The following NFATC2 variants were observed in gnomAD, a reference collection of about 807,000 sequenced individuals.
NFATC2 encodes the protein nuclear factor of activated T-cells, cytoplasmic 2.
A neutral mutation model predicts 87.3 loss-of-function variants in NFATC2; 22 were observed. The observed-to-expected ratio is 0.25, with a 90% CI of 0.18 to 0.36. The LOEUF (loss-of-function observed/expected upper bound fraction) is 0.36, where lower values mean the gene tolerates loss of function less well. Among genes scored for constraint, NFATC2 ranks in the 10% least tolerant of loss-of-function variants. The pLI is 1.00. For synonymous variants in NFATC2, 565 were observed against 542.2 expected, an observed-to-expected ratio of 1.04 and a Z score of -0.58; for missense variants, 1,149 against 1,259.1, an observed-to-expected ratio of 0.91 and a Z score of 1.32.
intron 9 of NFATC2, among the ~76,000 whole-genome samples, chr20:51,415,487 C>A (rs1490218362): frequency 1.3e-5 from 2 of 152,098 alleles, no homozygotes; most frequent in Non-Finnish European, 2.9e-5. Context: ...TTGGCCACCA[C>A]CTGTCTCTGG....
intron 10 of NFATC2, among the ~76,000 whole-genome samples, chr20:51,397,865 A>AAATAACAGCAACAGCATCT (rs767461394): frequency 6.6e-6 from 1 of 152,216 alleles, no homozygotes; most frequent in Non-Finnish European, 1.5e-5. Flanking sequence ...GGAGAAGATT[A>AAATAACAGCAACAGCATCT]AATAACAGCA....
At chr20:51,413,048 C>T (rs1056910356) in intron 9 of NFATC2, among the ~76,000 whole-genome samples, 4 of 145,718 alleles carry the variant, frequency 2.7e-5, no homozygotes, top group Non-Finnish European at 6.1e-5. Context: ...GTCCTGCTCT[C>T]CAGGCAGCCA....
At chr20:51,560,597 G>C (rs1166741302) in intron 1 of NFATC2, among the ~76,000 whole-genome samples, 1 of 152,204 alleles carries the variant, frequency 6.6e-6, no homozygotes, top group Admixed American at 6.5e-5. Context: ...GGCATAGTGG[G>C]AGCATTTGGA....
chr20:51,472,629 C>CT (rs1223762055), intron 5 of NFATC2, among the ~76,000 whole-genome samples: 2,807 of 92,628 alleles, frequency 0.03, 110 homozygotes, highest in African/African-American at 0.05. Context: ...CTTCTTTCTT[C>CT]TTTTTTTTTT....
At chr20:51,430,307 C>T (rs575872364) in intron 9 of NFATC2, among the ~76,000 whole-genome samples, 1 of 152,194 alleles carries the variant, frequency 6.6e-6, no homozygotes, top group South Asian at 2.1e-4. Context: ...GGAGAGGGAT[C>T]TGGTTACGAC....
chr20:51,544,186 A>T (rs1242805538), upstream of NFATC2, among the ~76,000 whole-genome samples: 1 of 151,368 alleles, frequency 6.6e-6, no homozygotes, highest in Non-Finnish European at 1.5e-5. Context: ...ATGGGGTTTC[A>T]CTGTGTTAGC....
chr20:51,451,373 T>C (rs1373116614), intron 6 of NFATC2, among the ~76,000 whole-genome samples: 1 of 152,240 alleles, frequency 6.6e-6, no homozygotes, highest in African/African-American at 2.4e-5. Context: ...AGTGGCAATA[T>C]TGCCCCCCAG....
At chr20:51,505,394 A>T (rs527451816) in intron 3 of NFATC2, among the ~76,000 whole-genome samples, 4 of 152,142 alleles carry the variant, frequency 2.6e-5, no homozygotes, top group Non-Finnish European at 4.4e-5. Flanking sequence ...ATAAAAATAC[A>T]GGGGCACAGA....
At chr20:51,543,481 C>A (rs749347986), upstream of NFATC2, among the ~76,000 whole-genome samples, 1 of 152,166 alleles carries the variant, frequency 6.6e-6, no homozygotes, top group Non-Finnish European at 1.5e-5. Flanking sequence ...TTTGAAGAAA[C>A]CTGATTGATG....
chr20:51,540,020 T>C (rs1054877854), intron 1 of NFATC2, among the ~76,000 whole-genome samples: 1 of 152,142 alleles, frequency 6.6e-6, no homozygotes, highest in Non-Finnish European at 1.5e-5. Flanking sequence ...ATACTTTTTG[T>C]TGTTGTTTTT....
intron 5 of NFATC2, among the ~76,000 whole-genome samples, chr20:51,458,672 G>C (rs967909015): frequency 2.6e-5 from 4 of 151,716 alleles, no homozygotes; most frequent in African/African-American, 4.8e-5. Context: ...TTATCTGGGC[G>C]TGGTGGTGGC....
intron 1 of NFATC2, among the ~76,000 whole-genome samples, chr20:51,528,347 C>A (rs896571932): frequency 5.3e-5 from 8 of 152,112 alleles, no homozygotes; most frequent in Non-Finnish European, 1.0e-4. Context: ...GAAAAGCAAG[C>A]TGTATAGTGT....
intron 3 of NFATC2, among the ~76,000 whole-genome samples, chr20:51,491,545 G>A (rs1211890765): frequency 6.6e-6 from 1 of 152,084 alleles, no homozygotes; most frequent in Non-Finnish European, 1.5e-5. Context: ...CCAGCTCCCG[G>A]TGTGACGATA....
chr20:51,495,734 A>G (rs1224987124), intron 3 of NFATC2, among the ~76,000 whole-genome samples: 1 of 152,178 alleles, frequency 6.6e-6, no homozygotes, highest in Non-Finnish European at 1.5e-5. Flanking sequence ...AATAGTAAAC[A>G]CCCACATGCA....
chr20:51,409,253 CTG>C (rs1978834131), intron 9 of NFATC2, among the ~76,000 whole-genome samples: 1 of 152,204 alleles, frequency 6.6e-6, no homozygotes, highest in Admixed American at 6.5e-5. Context: ...AGAAAGTCCT[CTG>C]TGTGCAAGCA....
At chr20:51,396,811 C>T (rs767318027) in intron 10 of NFATC2, among the ~76,000 whole-genome samples, 3 of 152,202 alleles carry the variant, frequency 2.0e-5, no homozygotes, top group Non-Finnish European at 4.4e-5. Context: ...ACATGAAGTC[C>T]TCTCTGGGAT....
intron 6 of NFATC2, among the ~76,000 whole-genome samples, chr20:51,442,480 A>G (rs77641375): frequency 6.6e-6 from 1 of 152,162 alleles, no homozygotes; most frequent in East Asian, 1.9e-4. Flanking sequence ...TTTTAAAAAA[A>G]TGCTGCAGAC....
rs181143274 is a variant in NFATC2, at chr20:51,558,014, G to A, written c.70+4546C>T. ...CTCCCATCCAGGCTGGGCAGTCAGA[G>A]ATTCTCAAATTCCTGTTCTAGCAAA... On this transcript the variant is annotated intron_variant, in intron 1 of 10. Transcript: ENST00000414705. Among the ~76,000 whole-genome samples, 349 of 152,308 alleles carry A rather than the reference G, an allele frequency of 2.3e-3. 2 individuals are homozygous for A. Among genetic ancestry groups the A allele is most frequent in the Middle Eastern group, 0.014 (4 of 294 alleles).
chr20:51,435,268 C>T lies in NFATC2; in HGVS notation c.1952G>A (p.Arg651His), dbSNP rs148347040. 2.9e-5 allele frequency: 47 copies of T among 1,614,096 alleles called. No homozygotes were observed. The highest frequency in any genetic ancestry group is 5.0e-5 in the Admixed American group (3 of 60,014). ...GTAGAAGTTCACTTTTACAGGTGTG[C>T]GGATATGCTTGTTCCGATATTCAGG... Reference protein sequence around the residue: ...EIPEYRNKHIRTPVKVNFYVI... With the variant: ...EIPEYRNKHIHTPVKVNFYVI... Residue 651 changes from arginine (R) to histidine (H), a missense_variant, in exon 8 of 11, where the codon CGC (arginine) becomes CAC (histidine). Transcript: ENST00000371564.
Sources: gnomAD v4.1 joint callset for allele counts (sites outside exome capture counted in the v4.1 genomes callset) on GRCh38, gnomAD v4.1.1 for gene constraint, MANE v1.5 for transcripts, NCBI Gene and HGNC (gene_info 2026-07-23, HGNC 2026-07-21) for gene names.